Variants in NUDT9 observed in about 807,000 individuals in gnomAD.
The protein encoded by NUDT9 is ADP-ribose pyrophosphatase.
NUDT9 carries 31 observed loss-of-function variants against 41.0 expected under a neutral mutation model. That is an observed-to-expected ratio of 0.76 (90% CI 0.57 to 1.02). NUDT9 has a LOEUF of 1.02. Ranked by LOEUF, NUDT9 falls within the 50% of genes least tolerant of loss-of-function variation. The pLI, the probability that NUDT9 is intolerant of heterozygous loss-of-function variation, is 0.00. For synonymous variants in NUDT9, 146 were observed against 147.6 expected, an observed-to-expected ratio of 0.99 and a Z score of 0.08; for missense variants, 380 against 431.4, an observed-to-expected ratio of 0.88 and a Z score of 1.06.
rs1243871874 is a variant in NUDT9 at position 87,457,934 on chromosome 4, C to A, written c.966C>A (p.Ala322=). The A allele has an allele frequency of 6.2e-7, 1 of 1,602,550 alleles. No individual in the cohort carries two copies. The highest frequency in any genetic ancestry group is 8.5e-7 in the Non-Finnish European group (1 of 1,176,254). Residue 322 remains alanine (A), a synonymous_variant, in exon 8 of 8, where the codon GCC becomes GCA. Transcript: ENST00000302174. ...VDINDKLKLY[A]SHSQFIKLVA... ...TCAATGATAAACTGAAGCTTTATGCCAGTCACTCTCAATTCATCAAACTTG... is the reference window on the plus strand; with the variant it reads ...TCAATGATAAACTGAAGCTTTATGCAAGTCACTCTCAATTCATCAAACTTG...
intron 4 of NUDT9, among the ~76,000 whole-genome samples, chr4:87,442,863 A>G (rs1299427701): frequency 6.6e-6 from 1 of 152,200 alleles, no homozygotes; most frequent in South Asian, 2.1e-4. Context: ...GTCATCTCCT[A>G]TGATAATAAC....
chr4:87,437,275 AAG>A (rs1410945304), intron 2 of NUDT9, among the ~76,000 whole-genome samples: 1,511 of 125,822 alleles, frequency 0.012, 27 homozygotes, highest in African/African-American at 0.037. Context: ...AAAAGAAAGA[AAG>A]AAAAAATAAT....
In NUDT9 at chr4:87,438,366, G is replaced by T. The variant is rs1381400828; in HGVS notation, c.437G>T (p.Arg146Ile). The change falls in exon 3 of 8, where the codon AGA (arginine) becomes ATA (isoleucine). Residue 146 changes from arginine (R) to isoleucine (I), a missense_variant. By Grantham distance (97) the Arg-to-Ile change is moderately conservative. Transcript: ENST00000302174. ...GGCCTGTATGAGATTGAAAATGGAA[G>T]ACCGAGGTAGGTACTGGGAGCAGAG... ...KNGLYEIENG[R>I]PRNPAGRTGL... is the part of the protein sequence containing the mutation. The T allele has an allele frequency of 6.3e-7, 1 of 1,581,774 alleles. No homozygotes were observed. Among genetic ancestry groups the T allele is most frequent in the Non-Finnish European group, 8.7e-7 (1 of 1,151,174 alleles).
At chr4:87,434,899 G>C (rs148815913) in intron 1 of NUDT9, 82 bp from the exon 2 acceptor site, 1 of 1,266,022 alleles carries the variant, frequency 7.9e-7, no homozygotes, top group South Asian at 1.5e-5. Context: ...GATTACAGGC[G>C]TAAGCCACTG....
Position 87,458,266 on chromosome 4 carries a change from CAT to C in NUDT9, c.*246_*247del. On this transcript the variant is annotated 3_prime_UTR_variant, in exon 8 of 8. Coordinates refer to ENST00000302174, the MANE Select transcript of NUDT9 (RefSeq NM_024047.5). Reference sequence around the variant, plus strand: ...ATATTTTGTATGTATTCGATTTAAGCATGGCTTAAATTAAATTTAAACAACTA... The same window carrying C: ...ATATTTTGTATGTATTCGATTTAAGCGGCTTAAATTAAATTTAAACAACTA... 3.1e-6 allele frequency: 1 copy of C among 326,808 alleles called. No homozygotes were observed. 20.2% of individuals were successfully genotyped at this position (326,808 alleles called of 1,614,324 possible). A position where few individuals can be genotyped will look rare whatever the true frequency, so the allele number is the denominator to read the frequency against.
In NUDT9 at chr4:87,458,251, T is replaced by C. The variant is rs1445076775; in HGVS notation, c.*230T>C. On this transcript the variant is annotated 3_prime_UTR_variant, in exon 8 of 8. Coordinates refer to ENST00000302174, the MANE Select transcript of NUDT9 (RefSeq NM_024047.5). The stretch of plus-strand genomic sequence containing the variant: ...GGAATATAAGTAATCATATTTTGTA[T>C]GTATTCGATTTAAGCATGGCTTAAA... 1.1e-5 allele frequency: 4 copies of C among 362,226 alleles called. No homozygotes were observed. The highest frequency in any genetic ancestry group is 2.0e-5 in the Non-Finnish European group (4 of 204,820). 22.4% of individuals were successfully genotyped at this position (362,226 alleles called of 1,614,324 possible).
At chr4:87,456,980 C>T (rs1723018591) in intron 7 of NUDT9, among the ~76,000 whole-genome samples, 1 of 152,034 alleles carries the variant, frequency 6.6e-6, no homozygotes, top group South Asian at 2.1e-4. Context: ...GCCTTGAATA[C>T]TTTAATAGGC....
chr4:87,446,980 T>A (rs1457507006), intron 4 of NUDT9, among the ~76,000 whole-genome samples: 1 of 152,110 alleles, frequency 6.6e-6, no homozygotes, highest in Admixed American at 6.5e-5. Flanking sequence ...TCAAAGTGAG[T>A]GAGCTTTCTA....
Position 87,453,861 on chromosome 4 carries a change from CT to C in NUDT9, c.790-495del, listed in dbSNP as rs533107265. On this transcript the variant is annotated intron_variant, in intron 6 of 7. Coordinates refer to ENST00000302174, the MANE Select transcript of NUDT9 (RefSeq NM_024047.5). ...TCTTTCTTTTTTTCTTTCTTTCTTT[CT>C]TTTTTTTTTTTTTTGAGACAGAGTC... Among the ~76,000 whole-genome samples the C allele has an allele frequency of 3.5e-3, 480 of 136,162 alleles. 1 individual carries two copies. The highest frequency in any genetic ancestry group is 6.4e-3 in the East Asian group (30 of 4,698). 89.3% of individuals were successfully genotyped at this position (136,162 alleles called of 152,430 possible). A position where few individuals can be genotyped will look rare whatever the true frequency, so the allele number is the denominator to read the frequency against.
chr4:87,439,770 C>G (rs1560792968), intron 3 of NUDT9, among the ~76,000 whole-genome samples: 1 of 152,104 alleles, frequency 6.6e-6, no homozygotes, highest in Non-Finnish European at 1.5e-5. Context: ...AGGTTCTGCC[C>G]TCAATTTTCG....
chr4:87,430,631 T>C (rs1326237668), intron 1 of NUDT9, among the ~76,000 whole-genome samples: 1 of 152,180 alleles, frequency 6.6e-6, no homozygotes, highest in Non-Finnish European at 1.5e-5. Flanking sequence ...GTCATTCTAA[T>C]GGGTCTGAGG....
rs1390020527 is a variant in NUDT9, at chr4:87,422,910, C to T, written c.5C>T (p.Ala2Val). Residue 2 changes from alanine to valine, a missense_variant, in exon 1 of 8, where the codon GCG becomes GTG. By Grantham distance (64) the Ala-to-Val change is moderately conservative. Transcript: ENST00000302174. The stretch of plus-strand genomic sequence containing the variant: ...AAAGCCGCCCTCGGGGCGCTCATGG[C>T]GGGACGCCTCCTGGGAAAGGCTTTA... M[A>V]GRLLGKALAA... 2 of 1,609,366 alleles carry T rather than the reference C, an allele frequency of 1.2e-6. No homozygotes were observed. The highest frequency in any genetic ancestry group is 2.2e-5 in the East Asian group (1 of 44,758).
At chr4:87,430,314 G>C (rs954458805) in intron 1 of NUDT9, among the ~76,000 whole-genome samples, 1 of 152,192 alleles carries the variant, frequency 6.6e-6, no homozygotes, top group African/African-American at 2.4e-5. Flanking sequence ...AGTGAGACCT[G>C]TGTTGGACTT....
intron 5 of NUDT9, among the ~76,000 whole-genome samples, chr4:87,450,378 C>CTTTTTTTTTTTTTTT (rs59228872): frequency 2.9e-5 from 3 of 102,306 alleles, no homozygotes; most frequent in East Asian, 2.8e-4. Flanking sequence ...TTTTCTTTTT[C>CTTTTTTTTTTTTTTT]TTTTTTTTTT....
chr4:87,426,123 C>T (rs1480092453), intron 1 of NUDT9, among the ~76,000 whole-genome samples: 1 of 152,188 alleles, frequency 6.6e-6, no homozygotes, highest in Non-Finnish European at 1.5e-5. Context: ...ATCAAATGTA[C>T]ATTTTCTAGA....
chr4:87,441,075 A>T (rs1329424318), intron 3 of NUDT9, among the ~76,000 whole-genome samples: 2 of 152,184 alleles, frequency 1.3e-5, no homozygotes, highest in African/African-American at 4.8e-5. Flanking sequence ...GCAAAAAGGG[A>T]AATTTTGGCA....
chr4:87,443,668 G>T (rs911602769), intron 4 of NUDT9, among the ~76,000 whole-genome samples: 1 of 152,186 alleles, frequency 6.6e-6, no homozygotes, highest in Non-Finnish European at 1.5e-5. Flanking sequence ...CCCAAGAAAG[G>T]CTTTATAAAG....
chr4:87,440,994 A>C (rs1388919672), intron 3 of NUDT9, among the ~76,000 whole-genome samples: 1 of 152,150 alleles, frequency 6.6e-6, no homozygotes, highest in African/African-American at 2.4e-5. Flanking sequence ...TTCTGAGTCT[A>C]GTACAAAAAC....
intron 4 of NUDT9, among the ~76,000 whole-genome samples, chr4:87,447,375 A>G (rs1402450279): frequency 2.0e-5 from 3 of 152,204 alleles, no homozygotes; most frequent in East Asian, 1.9e-4. Flanking sequence ...CAGCTACTAT[A>G]TAAGGAAATT....
Sources: gnomAD v4.1 joint callset for allele counts (sites outside exome capture counted in the v4.1 genomes callset) on GRCh38, gnomAD v4.1.1 for gene constraint, MANE v1.5 for transcripts, NCBI Gene and HGNC (gene_info 2026-07-23, HGNC 2026-07-21) for gene names.